The following ELK3 variants were observed in gnomAD, a reference collection of about 807,000 sequenced individuals.
ELK3 encodes ETS domain-containing protein Elk-3.
Under a neutral mutation model 28.9 loss-of-function variants are expected in ELK3, and 10 were observed. The ratio of observed to expected loss-of-function variants is 0.35; its 90% CI spans 0.21 to 0.59. ELK3 has a LOEUF of 0.59. Among genes scored for constraint, ELK3 ranks in the 20% least tolerant of loss-of-function variants. The pLI is 0.82. For missense variants in ELK3, 463 were observed against 517.3 expected (o/e 0.90, Z 1.02); for synonymous variants, 272 against 243.5 (o/e 1.12, Z -1.09).
chr12:96,201,907 C>T (rs1951510124), intron 1 of ELK3, among the ~76,000 whole-genome samples: 1 of 152,188 alleles, frequency 6.6e-6, no homozygotes, highest in Non-Finnish European at 1.5e-5. Context: ...TCCTCCTAGT[C>T]TTTTGAGGTT....
intron 2 of ELK3, among the ~76,000 whole-genome samples, chr12:96,229,523 C>CTTTT (rs10578974): frequency 2.9e-4 from 19 of 66,314 alleles, no homozygotes; most frequent in Admixed American, 4.4e-4. Context: ...CCAGATTTTC[C>CTTTT]TTTTTTTTTT....
chr12:96,256,836 C>T (rs1484564135), intron 3 of ELK3, among the ~76,000 whole-genome samples: 1 of 152,064 alleles, frequency 6.6e-6, no homozygotes, highest in African/African-American at 2.4e-5. Context: ...GGCAGCGGGC[C>T]GGGGCAGGGG....
rs1951863378 is a variant in ELK3, at chr12:96,247,204, TTCAAGGCCA to T, written c.478_486del (p.Ala160_Lys162del). 6.2e-7 allele frequency: 1 copy of T among 1,614,048 alleles called. No individual in the cohort carries two copies. Among genetic ancestry groups the T allele is most frequent in the Non-Finnish European group, 8.5e-7 (1 of 1,180,024 alleles). On this transcript the variant is annotated inframe_deletion, in exon 3 of 5. Transcript: ENST00000228741. The surrounding 1 kb of genome is among the most constrained non-coding windows in gnomAD (Gnocchi z 5.5). ...TTCCCTGCAGAACCCACCAGACGCCTTCAAGGCCATCAAGACGGAGAAGCTGGAGGAGCC... is the reference window on the plus strand; with the variant it reads ...TTCCCTGCAGAACCCACCAGACGCCTTCAAGACGGAGAAGCTGGAGGAGCC...
chr12:96,196,954 T>C (rs1282046451), intron 1 of ELK3, among the ~76,000 whole-genome samples: 1 of 152,082 alleles, frequency 6.6e-6, no homozygotes, highest in Non-Finnish European at 1.5e-5. Context: ...TCAGTGGACA[T>C]GAGTACAGGA....
At chr12:96,232,597 TA>T (rs1238402609) in intron 2 of ELK3, among the ~76,000 whole-genome samples, 8 of 79,802 alleles carry the variant, frequency 1.0e-4, no homozygotes, top group Admixed American at 1.6e-4. Flanking sequence ...AAAAATACAT[TA>T]AAAAAAAAGT....
intron 1 of ELK3, among the ~76,000 whole-genome samples, chr12:96,216,042 A>G (rs1299647201): frequency 6.6e-6 from 1 of 152,210 alleles, no homozygotes; most frequent in Non-Finnish European, 1.5e-5. Flanking sequence ...CCTCTGTGCC[A>G]GAGGTCAAGC....
rs372732576 is a variant in ELK3, at chr12:96,247,334, T to C, written c.602T>C (p.Leu201Pro). ...DKHVTRPVVSLPSTSEAAAAS... is the reference protein window; with the variant it reads ...DKHVTRPVVSPPSTSEAAAAS... Reference sequence around the variant, plus strand: ...CACGTCACCAGGCCGGTGGTGTCCCTGCCTTCCACGTCAGAGGCTGCGGCG... The same window carrying C: ...CACGTCACCAGGCCGGTGGTGTCCCCGCCTTCCACGTCAGAGGCTGCGGCG... Residue 201 changes from leucine (L) to proline (P), a missense_variant, in exon 3 of 5, where the codon CTG becomes CCG. Physicochemically the swap from Leu to Pro is moderately conservative, Grantham distance 98. Around this residue, in one of 2 missense-constraint regions of ELK3, gnomAD observed 408 missense variants for 414.8 expected, o/e 0.98. Transcript: ENST00000228741. The surrounding 1 kb of genome is among the most constrained non-coding windows in gnomAD (Gnocchi z 5.5). The C allele has an allele frequency of 1.5e-5, 25 of 1,614,142 alleles. No individual in the cohort carries two copies. The African/African-American group carries it at 3.2e-4, about 21-fold the overall frequency.
chr12:96,269,639 C>T lies in ELK3; in HGVS notation c.*2459C>T, dbSNP rs1952070445. ...AATAGGTTTCAAAGAACATTAATGACTTTCTTTTCCCTTTTATGTCTGCTT... is the reference window on the plus strand; with the variant it reads ...AATAGGTTTCAAAGAACATTAATGATTTTCTTTTCCCTTTTATGTCTGCTT... On this transcript the variant is annotated 3_prime_UTR_variant, in exon 5 of 5. Coordinates refer to ENST00000228741, the MANE Select transcript of ELK3 (RefSeq NM_005230.4). The T allele has an allele frequency of 3.3e-5, 5 of 152,312 alleles. No individual in the cohort carries two copies. In the South Asian group the frequency reaches 8.3e-4, roughly 25 times the overall value. The allele number at this position is 152,312 out of a possible 1,614,324, so 9.4% of individuals were successfully genotyped here.
chr12:96,251,520 C>T (rs776812177), intron 3 of ELK3, among the ~76,000 whole-genome samples: 1 of 152,016 alleles, frequency 6.6e-6, no homozygotes, highest in Admixed American at 6.5e-5. Context: ...TGTCCAAAAC[C>T]GAGACAGGCC....
chr12:96,213,271 C>G (rs892058978), intron 1 of ELK3, among the ~76,000 whole-genome samples: 2 of 152,272 alleles, frequency 1.3e-5, no homozygotes, highest in South Asian at 4.1e-4. Flanking sequence ...TCAGTTATTT[C>G]TTTACCCTGC....
chr12:96,213,161 T>A lies in ELK3; in HGVS notation c.-2-10404T>A, dbSNP rs919983203. On this transcript the variant is annotated intron_variant, in intron 1 of 4. Coordinates refer to ENST00000228741, the MANE Select transcript of ELK3 (RefSeq NM_005230.4). ...CCTTGTTGAAGGTTTAAAACATATA[T>A]AAGCCTTTGGCGCAGTGCCATGCTT... is the stretch of plus-strand genomic sequence containing the variant. 7.2e-5 allele frequency among the ~76,000 whole-genome samples: 11 copies of A among 152,342 alleles called. No homozygotes were observed. The South Asian group carries it at 2.1e-3, about 29-fold the overall frequency.
At chr12:96,221,443 A>G (rs1250818320) in intron 1 of ELK3, among the ~76,000 whole-genome samples, 1 of 152,204 alleles carries the variant, frequency 6.6e-6, no homozygotes, top group Non-Finnish European at 1.5e-5. Context: ...CAGAGGCCCC[A>G]CAGTCCCTTC....
intron 1 of ELK3, among the ~76,000 whole-genome samples, chr12:96,200,414 T>C (rs1012585720): frequency 1.3e-5 from 2 of 152,130 alleles, no homozygotes; most frequent in Admixed American, 6.6e-5. Flanking sequence ...TTTACATATA[T>C]TAAAATGCGC....
At chr12:96,214,933 C>G (rs1232452444) in intron 1 of ELK3, among the ~76,000 whole-genome samples, 1 of 152,148 alleles carries the variant, frequency 6.6e-6, no homozygotes, top group Non-Finnish European at 1.5e-5. Context: ...ATAGCAGATA[C>G]TGGCAGAGGA....
chr12:96,197,801 TTAAA>T (rs1026152224), intron 1 of ELK3, among the ~76,000 whole-genome samples: 1 of 152,214 alleles, frequency 6.6e-6, no homozygotes, highest in African/African-American at 2.4e-5. Context: ...ATATAAAAAA[TTAAA>T]TAAGTCAAAA....
At chr12:96,246,825 A>G in intron 2 of ELK3, 115 bp from the exon 3 acceptor site, 1 of 1,092,306 alleles carries the variant, frequency 9.2e-7, no homozygotes, top group Admixed American at 2.7e-5. Context: ...CTTAGCCAAG[A>G]ATGTAAATCA....
intron 2 of ELK3, among the ~76,000 whole-genome samples, chr12:96,226,138 A>G (rs985944996): frequency 6.6e-6 from 1 of 152,152 alleles, no homozygotes. Context: ...TCTCTTAAAA[A>G]GAAAAAAAAA....
intron 4 of ELK3, among the ~76,000 whole-genome samples, chr12:96,264,398 T>C (rs1042599042): frequency 6.6e-6 from 1 of 152,184 alleles, no homozygotes; most frequent in Admixed American, 6.5e-5. Context: ...GAGGCAGACT[T>C]TGAGCTGGGT....
chr12:96,251,181 T>C lies in ELK3; in HGVS notation c.1002+3447T>C, dbSNP rs76157342. 4.8e-3 allele frequency among the ~76,000 whole-genome samples: 724 copies of C among 152,326 alleles called. 14 individuals carry two copies. In the East Asian group the frequency reaches 0.062, roughly 13 times the overall value. ...CCAACTTTTTCCTTACTATTATGTCTGTTATAGTGCTCTGAGATCAGCGAG... is the reference window on the plus strand; with the variant it reads ...CCAACTTTTTCCTTACTATTATGTCCGTTATAGTGCTCTGAGATCAGCGAG... On this transcript the variant is annotated intron_variant, in intron 3 of 4. Transcript: ENST00000228741.
Sources: gnomAD v4.1 joint callset for allele counts (sites outside exome capture counted in the v4.1 genomes callset) on GRCh38, gnomAD v4.1.1 for gene constraint, gnomAD v4.1.1 regional missense constraint, Gnocchi (gnomAD v3.1) non-coding constraint, MANE v1.5 for transcripts, NCBI Gene and HGNC (gene_info 2026-07-23, HGNC 2026-07-21) for gene names.